Variants in SMYD3 observed in about 807,000 individuals in gnomAD.
The protein encoded by SMYD3 is histone-lysine N-methyltransferase SMYD3.
SMYD3 carries 36 observed loss-of-function variants against 57.7 expected under a neutral mutation model. That is an observed-to-expected ratio of 0.62 (90% CI 0.48 to 0.82). SMYD3 has a LOEUF of 0.82. SMYD3 is among the 40% of genes least tolerant of loss of function. The pLI is 0.00. For synonymous variants in SMYD3, 211 were observed against 195.0 expected (o/e 1.08, Z -0.68); for missense variants, 515 against 538.8 (o/e 0.96, Z 0.44).
chr1:246,015,844 G>A (rs1028441380), intron 5 of SMYD3, among the ~76,000 whole-genome samples: 3 of 152,320 alleles, frequency 2.0e-5, no homozygotes, highest in Admixed American at 1.3e-4. Flanking sequence ...AGACACGTGG[G>A]TTGCTCTCAC....
At chr1:246,441,622 TC>T (rs1313876443) in intron 1 of SMYD3, among the ~76,000 whole-genome samples, 3 of 152,272 alleles carry the variant, frequency 2.0e-5, no homozygotes, top group African/African-American at 7.2e-5. Flanking sequence ...CTTTGTTTTT[TC>T]CCCCTTGAGA....
At chr1:246,505,489 G>C (rs2068523476) in intron 1 of SMYD3, among the ~76,000 whole-genome samples, 1 of 151,654 alleles carries the variant, frequency 6.6e-6, no homozygotes, top group African/African-American at 2.4e-5. Context: ...ACCTACTGCA[G>C]AATCCAATAT....
chr1:245,870,376 C>T (rs995774220), intron 8 of SMYD3, among the ~76,000 whole-genome samples: 7 of 152,146 alleles, frequency 4.6e-5, no homozygotes, highest in Non-Finnish European at 7.3e-5. Flanking sequence ...ACGCCGGCTC[C>T]GGACCCACGC....
chr1:246,500,255 T>C (rs2068436650), intron 1 of SMYD3, among the ~76,000 whole-genome samples: 1 of 152,218 alleles, frequency 6.6e-6, no homozygotes, highest in South Asian at 2.1e-4. Flanking sequence ...TTAGCCTTTT[T>C]GGCTTTTTCG....
chr1:246,286,642 T>C (rs968176264), intron 5 of SMYD3, among the ~76,000 whole-genome samples: 1 of 152,192 alleles, frequency 6.6e-6, no homozygotes, highest in Non-Finnish European at 1.5e-5. Flanking sequence ...ACAGAGACAC[T>C]GTTTTTGTTC....
At chr1:245,750,736 TG>T (rs2045310313) in intron 11 of SMYD3, among the ~76,000 whole-genome samples, 1 of 26,420 alleles carries the variant, frequency 3.8e-5, no homozygotes, top group South Asian at 1.3e-3. Context: ...TGGGGTGGGG[TG>T]GGGTGGACTG....
chr1:245,793,106 A>G (rs6667073), intron 10 of SMYD3, among the ~76,000 whole-genome samples: 102,836 of 143,262 alleles, frequency 0.72, 37,287 homozygotes, highest in Middle Eastern at 0.79. Context: ...TCAGGAGATC[A>G]AGACCATCCT....
chr1:246,021,181 C>G (rs1056076514), intron 5 of SMYD3, among the ~76,000 whole-genome samples: 2 of 152,182 alleles, frequency 1.3e-5, no homozygotes, highest in Admixed American at 6.5e-5. Flanking sequence ...AAGTTCCTTT[C>G]TTCACCTCGG....
chr1:246,060,137 A>T (rs1488571264), intron 5 of SMYD3, among the ~76,000 whole-genome samples: 1 of 151,996 alleles, frequency 6.6e-6, no homozygotes, highest in African/African-American at 2.4e-5. Context: ...AAAGAAAAAA[A>T]CTTAGCCAGG....
chr1:245,838,536 T>C (rs931494588), intron 10 of SMYD3, among the ~76,000 whole-genome samples: 1 of 152,260 alleles, frequency 6.6e-6, no homozygotes, highest in Non-Finnish European at 1.5e-5. Flanking sequence ...TAATTTCTGC[T>C]ATATCTAGAT....
chr1:245,772,571 G>C (rs563735391), intron 10 of SMYD3, among the ~76,000 whole-genome samples: 57 of 152,156 alleles, frequency 3.7e-4, no homozygotes, highest in Non-Finnish European at 4.1e-4. Flanking sequence ...GCTGAGGTGG[G>C]AGGATCACTT....
Position 245,787,469 on chromosome 1 carries a change from G to C in SMYD3, c.1077-23320C>G, listed in dbSNP as rs12089497. ...TTTCCATCCCTCTTAGTTCTGACAA[G>C]TTTTCTCTTTCACTTGGGCTGAAGG... is the stretch of plus-strand genomic sequence containing the variant. On this transcript the variant is annotated intron_variant, in intron 10 of 11. Coordinates refer to ENST00000490107, the MANE Select transcript of SMYD3 (RefSeq NM_001167740.2). Among the ~76,000 whole-genome samples, 1,007 of 152,230 alleles carry C rather than the reference G, an allele frequency of 6.6e-3. 13 individuals carry two copies. Among genetic ancestry groups the C allele is most frequent in the African/African-American group, 0.023 (942 of 41,528 alleles).
intron 1 of SMYD3, among the ~76,000 whole-genome samples, chr1:246,458,758 G>A (rs1240270011): frequency 4.0e-5 from 6 of 151,446 alleles, no homozygotes; most frequent in African/African-American, 9.7e-5. Flanking sequence ...GAGCCACCGC[G>A]CCCGGCCGGA....
chr1:246,286,137 C>G (rs2064557894), intron 5 of SMYD3, among the ~76,000 whole-genome samples: 1 of 152,192 alleles, frequency 6.6e-6, no homozygotes, highest in African/African-American at 2.4e-5. Flanking sequence ...TACTCGGTAT[C>G]TACCCAGAGG....
chr1:246,372,730 C>G (rs12130757), intron 1 of SMYD3, among the ~76,000 whole-genome samples: 80,907 of 152,034 alleles, frequency 0.53, 22,254 homozygotes, highest in Middle Eastern at 0.71. Flanking sequence ...GTGGCTCACG[C>G]CCGTAATCCA....
intron 5 of SMYD3, among the ~76,000 whole-genome samples, chr1:246,065,262 G>T (rs1414907161): frequency 1.3e-5 from 2 of 152,200 alleles, no homozygotes; most frequent in Non-Finnish European, 2.9e-5. Context: ...ATAAAGGAAT[G>T]CATACGTGCA....
intron 10 of SMYD3, among the ~76,000 whole-genome samples, chr1:245,780,302 A>G (rs79212667): frequency 6.6e-6 from 1 of 152,228 alleles, no homozygotes; most frequent in African/African-American, 2.4e-5. Context: ...TAAATAAACA[A>G]AGTTGATATC....
intron 5 of SMYD3, among the ~76,000 whole-genome samples, chr1:246,291,674 A>C (rs2064693834): frequency 6.6e-6 from 1 of 152,232 alleles, no homozygotes; most frequent in Admixed American, 6.5e-5. Flanking sequence ...TAATTTACAC[A>C]TTAAGTATAA....
chr1:246,410,389 G>A (rs1432897392), intron 1 of SMYD3, among the ~76,000 whole-genome samples: 1 of 152,090 alleles, frequency 6.6e-6, no homozygotes, highest in Non-Finnish European at 1.5e-5. Context: ...AAGTGTTGCT[G>A]AATTTTGTCA....
Sources: allele counts gnomAD v4.1 joint callset (sites outside exome capture counted in the v4.1 genomes callset), GRCh38; gene constraint gnomAD v4.1.1; transcripts MANE v1.5; gene names NCBI Gene and HGNC (gene_info 2026-07-23, HGNC 2026-07-21).